The following DPP6 variants were observed in gnomAD, a reference collection of about 807,000 sequenced individuals.
DPP6 encodes A-type potassium channel modulatory protein DPP6.
A neutral mutation model predicts 122.6 loss-of-function variants in DPP6; 69 were observed. That is an observed-to-expected ratio of 0.56 (90% CI 0.46 to 0.69). The LOEUF is 0.69. Ranked by LOEUF, DPP6 falls within the 30% of genes least tolerant of loss-of-function variation. DPP6 has a pLI of 0.00. For missense variants in DPP6, 928 were observed against 1,116.9 expected (o/e 0.83, Z 2.41); for synonymous variants, 418 against 433.1 (o/e 0.97, Z 0.43).
intron 1 of DPP6, among the ~76,000 whole-genome samples, chr7:154,272,631 G>C (rs1241470672): frequency 1.3e-5 from 2 of 152,148 alleles, no homozygotes; most frequent in Non-Finnish European, 1.5e-5. Flanking sequence ...GGGCAGTGTA[G>C]GGGGACTCCA....
At chr7:154,259,036 G>A (rs779635247) in intron 1 of DPP6, among the ~76,000 whole-genome samples, 2 of 152,134 alleles carry the variant, frequency 1.3e-5, no homozygotes, top group East Asian at 1.9e-4. Context: ...TGTTGAAATC[G>A]GACGGAAGTA....
chr7:154,297,063 G>T (rs1248989440), intron 1 of DPP6, among the ~76,000 whole-genome samples: 4 of 125,260 alleles, frequency 3.2e-5, no homozygotes, highest in Non-Finnish European at 4.8e-5. Context: ...AATGTATTCT[G>T]TTTTTTTTTT....
At position 153,966,251 on chromosome 7, in the gene DPP6, G is replaced by A. The variant is rs3864501; in HGVS notation, c.51+78517G>A. Among the ~76,000 whole-genome samples, 7 of 150,134 alleles carry A rather than the reference G, an allele frequency of 4.7e-5. 1 individual carries two copies. The highest frequency in any genetic ancestry group is 1.5e-4 in the African/African-American group (6 of 39,996). ...GGCTGTGACCTGAACTATATCTGAC[G>A]AAGTCAGCAATTGCTTTGTGTGTTT... On this transcript the variant is annotated intron_variant, in intron 1 of 25. Transcript: ENST00000404039.
intron 1 of DPP6, among the ~76,000 whole-genome samples, chr7:154,137,054 G>T (rs1467776327): frequency 2.6e-5 from 4 of 152,284 alleles, no homozygotes; most frequent in South Asian, 4.1e-4. Flanking sequence ...ACTTTAGGGG[G>T]ACATTCTTAT....
chr7:154,108,159 A>T (rs924962211), intron 1 of DPP6, among the ~76,000 whole-genome samples: 1 of 152,086 alleles, frequency 6.6e-6, no homozygotes, highest in Non-Finnish European at 1.5e-5. Flanking sequence ...ATGATGCGTT[A>T]ACTCTCTCAG....
rs1427596750 is a variant in DPP6, at chr7:154,062,011, C to T, written c.243+8948C>T. On this transcript the variant is annotated intron_variant, in intron 1 of 25. Transcript: ENST00000377770. ...CGCCCCTGGCTGTTGGTACCCCCATCGCAGGGGGGGGGAGGCACCCCCCGC... is the reference window on the plus strand; with the variant it reads ...CGCCCCTGGCTGTTGGTACCCCCATTGCAGGGGGGGGGAGGCACCCCCCGC... 3.1e-5 allele frequency among the ~76,000 whole-genome samples: 3 copies of T among 96,742 alleles called. 1 individual carries two copies. The highest frequency in any genetic ancestry group is 6.5e-4 in the East Asian group (2 of 3,100). The allele number at this position is 96,742 out of a possible 152,430, so 63.5% of individuals were successfully genotyped here.
chr7:154,771,612 C>T (rs948977922), intron 9 of DPP6, among the ~76,000 whole-genome samples: 2 of 152,240 alleles, frequency 1.3e-5, no homozygotes, highest in Admixed American at 6.5e-5. Context: ...GTAATACAGG[C>T]TCCTTTCAAC....
At chr7:153,787,005 G>A in the DPP6 span, among the ~76,000 whole-genome samples, 4 of 146,918 alleles carry the variant, frequency 2.7e-5, no homozygotes, top group African/African-American at 5.0e-5. Flanking sequence ...GGGCTGGAGT[G>A]CAGTGGTGCG....
chr7:154,597,261 G>A (rs1265936509), intron 5 of DPP6, among the ~76,000 whole-genome samples: 1 of 152,030 alleles, frequency 6.6e-6, no homozygotes, highest in Non-Finnish European at 1.5e-5. Flanking sequence ...GGGAATGGAA[G>A]CACAATTGTG....
At chr7:154,061,326 G>A (rs868048515) in intron 1 of DPP6, among the ~76,000 whole-genome samples, 3,297 of 142,730 alleles carry the variant, frequency 0.023, no homozygotes, top group Middle Eastern at 0.04. Flanking sequence ...GGGGCTACCC[G>A]ATCTGACAAA....
intron 5 of DPP6, among the ~76,000 whole-genome samples, chr7:154,574,793 GGT>G: frequency 9.7e-6 from 1 of 102,766 alleles, no homozygotes; most frequent in Non-Finnish European, 1.8e-5. Context: ...GTGTGTGTGT[GGT>G]GTGTGTTTGT....
intron 1 of DPP6, among the ~76,000 whole-genome samples, chr7:154,369,453 C>G (rs1478284357): frequency 6.6e-6 from 1 of 151,448 alleles, no homozygotes; most frequent in Admixed American, 6.6e-5. Context: ...CTGCAACCTT[C>G]CGCCTCCTGG....
chr7:154,262,684 C>T (rs1306064195), intron 1 of DPP6, among the ~76,000 whole-genome samples: 1 of 149,266 alleles, frequency 6.7e-6, no homozygotes, highest in African/African-American at 2.5e-5. Flanking sequence ...ACTAGAGACT[C>T]TAGGTTAAGC....
intron 1 of DPP6, among the ~76,000 whole-genome samples, chr7:154,177,350 GT>G (rs1323516821): frequency 1.3e-5 from 2 of 152,194 alleles, no homozygotes; most frequent in East Asian, 3.8e-4. Context: ...AGAAGTATAA[GT>G]GATGAAAACT....
chr7:154,174,909 C>T (rs1432746676), intron 1 of DPP6, among the ~76,000 whole-genome samples: 1 of 148,546 alleles, frequency 6.7e-6, no homozygotes, highest in African/African-American at 2.5e-5. Flanking sequence ...TGGAGTCTCA[C>T]TCTGTCACCC....
chr7:154,255,660 C>T (rs924207941), intron 1 of DPP6, among the ~76,000 whole-genome samples: 8 of 152,308 alleles, frequency 5.3e-5, no homozygotes, highest in Middle Eastern at 3.4e-3. Flanking sequence ...GTCTTCAGTC[C>T]GCCCTCCCTG....
At chr7:154,782,877 G>T (rs752283298) in intron 10 of DPP6, among the ~76,000 whole-genome samples, 3 of 151,968 alleles carry the variant, frequency 2.0e-5, no homozygotes, top group Non-Finnish European at 4.4e-5. Context: ...TCCGCCTCCC[G>T]GGTTCAAGCA....
At chr7:154,394,017 G>T (rs1814854510) in intron 1 of DPP6, among the ~76,000 whole-genome samples, 1 of 152,120 alleles carries the variant, frequency 6.6e-6, no homozygotes, top group Admixed American at 6.5e-5. Flanking sequence ...CATTGTATGT[G>T]TATGTTACAT....
chr7:154,484,743 A>C (rs1823640173), intron 3 of DPP6, among the ~76,000 whole-genome samples: 1 of 152,258 alleles, frequency 6.6e-6, no homozygotes, highest in Non-Finnish European at 1.5e-5. Context: ...ACTTGTTAGC[A>C]GAGAGCCCTC....
Sources: allele counts gnomAD v4.1 joint callset (sites outside exome capture counted in the v4.1 genomes callset), GRCh38; gene constraint gnomAD v4.1.1; transcripts MANE v1.5; gene names NCBI Gene and HGNC (gene_info 2026-07-23, HGNC 2026-07-21).